Variants in RFX4 observed in about 807,000 individuals in gnomAD.
RFX4 encodes regulatory factor X4.
Under a neutral mutation model 95.0 loss-of-function variants are expected in RFX4, and 10 were observed. That is an observed-to-expected ratio of 0.11 (90% confidence interval 0.06 to 0.18). RFX4 has a LOEUF of 0.18. Among genes scored for constraint, RFX4 ranks in the 10% least tolerant of loss-of-function variants. The probability of loss-of-function intolerance (pLI) is 1.00; values close to 1 mark genes in which losing one functional copy is unlikely to be tolerated. For missense variants in RFX4, 640 were observed against 922.0 expected, an observed-to-expected ratio of 0.69 and a Z score of 3.96; for synonymous variants, 321 against 340.7, an observed-to-expected ratio of 0.94 and a Z score of 0.64.
chr12:106,645,268 C>T (rs756942191), intron 3 of RFX4, among the ~76,000 whole-genome samples: 2 of 152,168 alleles, frequency 1.3e-5, no homozygotes, highest in South Asian at 2.1e-4. Flanking sequence ...GCACAATAAC[C>T]TCTATTCATG....
intron 1 of RFX4, among the ~76,000 whole-genome samples, chr12:106,596,239 A>G (rs189964800): frequency 5.9e-5 from 9 of 152,286 alleles, no homozygotes; most frequent in Non-Finnish European, 1.3e-4. Flanking sequence ...TGTTCTTGCG[A>G]TAGTCAGTGA....
At chr12:106,683,597 G>A (rs558313216) in intron 5 of RFX4, 173 of 149,742 alleles carry the variant, frequency 1.2e-3, no homozygotes, top group African/African-American at 3.9e-3. Flanking sequence ...TTCCTTGTTT[G>A]CTGGTAAACA....
chr12:106,718,050 C>T (rs2042326545), intron 11 of RFX4, among the ~76,000 whole-genome samples: 1 of 152,196 alleles, frequency 6.6e-6, no homozygotes, highest in African/African-American at 2.4e-5. Context: ...CACATTAGTA[C>T]TTAAGCAAGC....
At chr12:106,717,035 G>A (rs1386335458) in intron 11 of RFX4, among the ~76,000 whole-genome samples, 1 of 150,210 alleles carries the variant, frequency 6.7e-6, no homozygotes, top group Middle Eastern at 3.2e-3. Context: ...AAATATGGGT[G>A]AGTTTTAGAG....
chr12:106,753,175 C>G (rs1026211649), intron 17 of RFX4, among the ~76,000 whole-genome samples: 30 of 152,266 alleles, frequency 2.0e-4, no homozygotes, highest in Admixed American at 1.9e-3. Flanking sequence ...AGACTGGTTA[C>G]CTTTCTGGCC....
At chr12:106,705,873 G>A (rs2042074667) in intron 8 of RFX4, among the ~76,000 whole-genome samples, 1 of 152,178 alleles carries the variant, frequency 6.6e-6, no homozygotes, top group African/African-American at 2.4e-5. Context: ...CACTATGCTA[G>A]GTACTGAGGA....
At chr12:106,622,481 A>G (rs574244087) in intron 2 of RFX4, among the ~76,000 whole-genome samples, 1 of 152,126 alleles carries the variant, frequency 6.6e-6, no homozygotes, top group African/African-American at 2.4e-5. Context: ...AAGTGCTTTA[A>G]TTCCATGATC....
chr12:106,594,802 TAAA>T (rs35505166), intron 1 of RFX4, among the ~76,000 whole-genome samples: 2 of 141,942 alleles, frequency 1.4e-5, no homozygotes, highest in East Asian at 2.1e-4. Context: ...TGAGAGGGAT[TAAA>T]AAAAAAAAAA....
chr12:106,604,443 A>G (rs1175077334), intron 1 of RFX4, among the ~76,000 whole-genome samples: 1 of 152,058 alleles, frequency 6.6e-6, no homozygotes, highest in Admixed American at 6.6e-5. Flanking sequence ...TCTTTAGCAC[A>G]GCTTCTTGCA....
Position 106,583,225 on chromosome 12 carries a change from C to A in RFX4, c.-96C>A. ...CTGCGTCTCTCTCTCTCCCCTTCTC[C>A]CTCCCTCCCTCCCTTCCTCCCTGGG... On this transcript the variant is annotated 5_prime_UTR_variant, in exon 1 of 18. Coordinates refer to ENST00000392842, the MANE Select transcript of RFX4 (RefSeq NM_213594.3). 2.6e-6 allele frequency: 2 copies of A among 779,816 alleles called. No homozygotes were observed. The highest frequency in any genetic ancestry group is 3.6e-5 in the East Asian group (1 of 28,066). The allele number at this position is 779,816 out of a possible 1,614,324, so 48.3% of individuals were successfully genotyped here.
chr12:106,583,190 C>T lies in RFX4; in HGVS notation c.-131C>T, dbSNP rs1032188230. 1.1e-5 allele frequency: 8 copies of T among 755,782 alleles called. No homozygotes were observed. Among genetic ancestry groups the T allele is most frequent in the Non-Finnish European group, 6.2e-6 (3 of 484,214 alleles). 46.8% of individuals were successfully genotyped at this position (755,782 alleles called of 1,614,324 possible). A position where few individuals can be genotyped will look rare whatever the true frequency, so the allele number is the denominator to read the frequency against. ...TCCTTTCCTCCTTTATCCTTGTGCCCCCTCACTTTCTGCGTCTCTCTCTCT... is the reference window on the plus strand; with the variant it reads ...TCCTTTCCTCCTTTATCCTTGTGCCTCCTCACTTTCTGCGTCTCTCTCTCT... On this transcript the variant is annotated 5_prime_UTR_variant, in exon 1 of 18. Coordinates refer to ENST00000392842, the MANE Select transcript of RFX4 (RefSeq NM_213594.3).
chr12:106,657,597 C>T (rs2040985379), intron 4 of RFX4, among the ~76,000 whole-genome samples: 1 of 152,228 alleles, frequency 6.6e-6, no homozygotes. Context: ...TGCCTGCTTT[C>T]GCTGTTAAGG....
chr12:106,732,985 A>G lies in RFX4; in HGVS notation c.1533A>G (p.Pro511=). ...CCGCACCAACCCCTTCACCAGTGCC[A>G]TCGTTTTCTCCAGCAAAATCTGCCA... The part of the protein sequence containing the change: ...EAAAPTPSPV[P]SFSPAKSATS... The change falls in exon 15 of 18, where the codon CCA becomes CCG. Residue 511 remains proline (P), a synonymous_variant. Transcript: ENST00000392842. 1 of 1,614,186 alleles carries G rather than the reference A, an allele frequency of 6.2e-7. No individual in the cohort carries two copies. Among genetic ancestry groups the G allele is most frequent in the Non-Finnish European group, 8.5e-7 (1 of 1,180,028 alleles).
At chr12:106,656,887 A>G (rs977854182) in intron 4 of RFX4, among the ~76,000 whole-genome samples, 1 of 152,230 alleles carries the variant, frequency 6.6e-6, no homozygotes, top group African/African-American at 2.4e-5. Flanking sequence ...GTCATTTAAA[A>G]AACATCCGAA....
chr12:106,708,445 T>C (rs2042130148), intron 8 of RFX4, among the ~76,000 whole-genome samples: 1 of 151,272 alleles, frequency 6.6e-6, no homozygotes, highest in Admixed American at 6.6e-5. Flanking sequence ...AGGTTGGAGA[T>C]AGCCATGAGA....
chr12:106,739,677 A>G (rs1049503884), intron 15 of RFX4, among the ~76,000 whole-genome samples: 2 of 152,306 alleles, frequency 1.3e-5, no homozygotes, highest in Non-Finnish European at 2.9e-5. Flanking sequence ...AACCTGATAT[A>G]TGGCCAATTT....
In RFX4 at chr12:106,747,484, G is replaced by C; in HGVS notation, c.1681G>C (p.Ala561Pro). ...TWSLTYTVTT[A>P]AGSPAENSQQ... ...GTCTCTAACATACACAGTGACGACG[G>C]CTGCTGGGTCCCCAGCTGAGAACTC... The change falls in exon 16 of 18, where the codon GCT becomes CCT. Residue 561 changes from alanine (A) to proline (P), a missense_variant. Physicochemically the swap from Ala to Pro is conservative, Grantham distance 27. Around this residue, in one of 7 missense-constraint regions of RFX4, gnomAD observed 300 missense variants for 346.8 expected, o/e 0.87. Coordinates refer to ENST00000392842, the MANE Select transcript of RFX4 (RefSeq NM_213594.3). The C allele has an allele frequency of 6.2e-7, 1 of 1,614,168 alleles. No individual in the cohort carries two copies. Among genetic ancestry groups the C allele is most frequent in the Non-Finnish European group, 8.5e-7 (1 of 1,180,020 alleles).
intron 15 of RFX4, among the ~76,000 whole-genome samples, chr12:106,741,292 A>C (rs1448413491): frequency 6.6e-6 from 1 of 152,170 alleles, no homozygotes; most frequent in Non-Finnish European, 1.5e-5. Flanking sequence ...AAAAAACAAA[A>C]AAAAAGATGA....
At chr12:106,636,992 C>A (rs2040528145) in intron 2 of RFX4, among the ~76,000 whole-genome samples, 1 of 152,162 alleles carries the variant, frequency 6.6e-6, no homozygotes, top group Admixed American at 6.5e-5. Flanking sequence ...CAGAATCTCT[C>A]ACTCCTTCAA....
Sources: gnomAD v4.1 joint callset for allele counts (sites outside exome capture counted in the v4.1 genomes callset) on GRCh38, gnomAD v4.1.1 for gene constraint, gnomAD v4.1.1 regional missense constraint, MANE v1.5 for transcripts, NCBI Gene and HGNC (gene_info 2026-07-23, HGNC 2026-07-21) for gene names.